The following ENTHD1 variants were observed in gnomAD, a reference collection of about 807,000 sequenced individuals.
The protein encoded by ENTHD1 is ENTH domain containing 1, also known as ENTH domain-containing protein 1.
In ENTHD1, 23 loss-of-function variants were observed where a neutral mutation model predicts 39.1. That is an observed-to-expected ratio of 0.59 (90% CI 0.42 to 0.83). The LOEUF is 0.83. ENTHD1 is among the 40% of genes least tolerant of loss of function. ENTHD1 has a pLI of 0.00. For missense variants in ENTHD1, 624 were observed against 705.4 expected (o/e 0.88, Z 1.31); for synonymous variants, 230 against 258.2 (o/e 0.89, Z 1.05).
At chr22:39,876,454 C>T (rs1358453098) in intron 2 of ENTHD1, among the ~76,000 whole-genome samples, 2 of 148,562 alleles carry the variant, frequency 1.3e-5, no homozygotes, top group East Asian at 2.0e-4. Flanking sequence ...TCCTGCTTTG[C>T]GTCAGGGACG....
intron 5 of ENTHD1, among the ~76,000 whole-genome samples, chr22:39,784,768 G>A (rs2065849817): frequency 6.6e-6 from 1 of 152,126 alleles, no homozygotes; most frequent in African/African-American, 2.4e-5. Flanking sequence ...GAAGTTACCA[G>A]GGGCTGGGAA....
intron 1 of ENTHD1, among the ~76,000 whole-genome samples, chr22:39,890,540 T>G (rs2066418623): frequency 6.6e-6 from 1 of 152,188 alleles, no homozygotes; most frequent in Non-Finnish European, 1.5e-5. Flanking sequence ...AATTTTTTTT[T>G]CTTTTTTGGA....
At chr22:39,783,013 C>T (rs2065422439) in intron 5 of ENTHD1, among the ~76,000 whole-genome samples, 1 of 152,110 alleles carries the variant, frequency 6.6e-6, no homozygotes, top group Non-Finnish European at 1.5e-5. Context: ...ATGACATGCT[C>T]TTATACTTAG....
At chr22:39,775,708 T>C (rs2065360501) in intron 5 of ENTHD1, among the ~76,000 whole-genome samples, 1 of 152,040 alleles carries the variant, frequency 6.6e-6, no homozygotes, top group African/African-American at 2.4e-5. Context: ...TGCAGGACCG[T>C]GGGAATGGGA....
intron 6 of ENTHD1, among the ~76,000 whole-genome samples, chr22:39,746,701 T>C (rs1189430750): frequency 3.3e-5 from 5 of 152,120 alleles, no homozygotes; most frequent in Non-Finnish European, 7.4e-5. Context: ...TCCTATCTCC[T>C]ACCTAGAGGG....
intron 2 of ENTHD1, among the ~76,000 whole-genome samples, chr22:39,880,332 A>AAAAAAT (rs2066327143): frequency 6.6e-6 from 1 of 152,224 alleles, no homozygotes; most frequent in Non-Finnish European, 1.5e-5. Flanking sequence ...AGGAGGGAGG[A>AAAAAAT]AAAAATAAGC....
At chr22:39,873,706 C>A (rs1375960862) in intron 2 of ENTHD1, among the ~76,000 whole-genome samples, 1 of 152,136 alleles carries the variant, frequency 6.6e-6, no homozygotes, top group Non-Finnish European at 1.5e-5. Context: ...TTATTAAAAT[C>A]TAATACTTCT....
intron 5 of ENTHD1, among the ~76,000 whole-genome samples, chr22:39,778,868 AC>A (rs1378445052): frequency 6.6e-6 from 1 of 152,220 alleles, no homozygotes; most frequent in Non-Finnish European, 1.5e-5. Context: ...CAGACCATGT[AC>A]TACAAACGTG....
At chr22:39,880,142 G>A (rs2066326174) in intron 2 of ENTHD1, among the ~76,000 whole-genome samples, 1 of 152,226 alleles carries the variant, frequency 6.6e-6, no homozygotes, top group African/African-American at 2.4e-5. Context: ...TCTCCTCTGA[G>A]AGGATTGCTT....
At chr22:39,790,609 T>C (rs1161765929) in intron 5 of ENTHD1, among the ~76,000 whole-genome samples, 5 of 152,208 alleles carry the variant, frequency 3.3e-5, no homozygotes, top group Admixed American at 6.5e-5. Context: ...TTTGACCAGC[T>C]TGGGGCACAG....
intron 6 of ENTHD1, among the ~76,000 whole-genome samples, chr22:39,761,252 G>T (rs1056321979): frequency 6.6e-6 from 1 of 152,084 alleles, no homozygotes; most frequent in Non-Finnish European, 1.5e-5. Context: ...CTTAAAAGAT[G>T]ACTTTTCATT....
intron 4 of ENTHD1, 27 bp from the exon 5 acceptor site, chr22:39,821,140 A>C (rs1230309370): frequency 1.2e-6 from 2 of 1,611,622 alleles, no homozygotes; most frequent in African/African-American, 1.3e-5. Context: ...GAACATGAGA[A>C]TTGAAGAAAA....
At chr22:39,774,629 T>C (rs5750879) in intron 5 of ENTHD1, among the ~76,000 whole-genome samples, 137,121 of 152,232 alleles carry the variant, frequency 0.9, 61,891 homozygotes, top group East Asian at 0.99. Flanking sequence ...AAATGAAAGT[T>C]AGATGTTATT....
At chr22:39,762,386 T>G (rs1029316712) in intron 6 of ENTHD1, among the ~76,000 whole-genome samples, 1 of 152,128 alleles carries the variant, frequency 6.6e-6, no homozygotes, top group Non-Finnish European at 1.5e-5. Flanking sequence ...TTTCAGCTAC[T>G]GTATTTTTCA....
At chr22:39,779,127 G>A (rs1357011151) in intron 5 of ENTHD1, among the ~76,000 whole-genome samples, 5 of 152,092 alleles carry the variant, frequency 3.3e-5, no homozygotes, top group Non-Finnish European at 7.4e-5. Flanking sequence ...GACCAGCCTG[G>A]CCAACATGGT....
intron 5 of ENTHD1, among the ~76,000 whole-genome samples, chr22:39,779,509 CTAA>C (rs2065391441): frequency 6.7e-6 from 1 of 150,026 alleles, no homozygotes; most frequent in Non-Finnish European, 1.5e-5. Flanking sequence ...ACAAGAAATG[CTAA>C]AGGGAGTTAT....
chr22:39,748,202 T>A (rs2065121393), intron 6 of ENTHD1, among the ~76,000 whole-genome samples: 1 of 149,542 alleles, frequency 6.7e-6, no homozygotes, highest in Non-Finnish European at 1.5e-5. Flanking sequence ...TGAGCCGTGG[T>A]CATGCCAGGG....
intron 5 of ENTHD1, among the ~76,000 whole-genome samples, chr22:39,786,078 T>C (rs2146593275): frequency 6.6e-6 from 1 of 152,246 alleles, no homozygotes; most frequent in East Asian, 1.9e-4. Flanking sequence ...ATTCCTTCCC[T>C]TCAGACCTGA....
chr22:39,797,877 A>G (rs1438717108), intron 5 of ENTHD1, among the ~76,000 whole-genome samples: 1 of 151,834 alleles, frequency 6.6e-6, no homozygotes, highest in Non-Finnish European at 1.5e-5. Context: ...TCTGTTTTTG[A>G]TGTTTGACAG....
Sources: allele counts gnomAD v4.1 joint callset (sites outside exome capture counted in the v4.1 genomes callset), GRCh38; gene constraint gnomAD v4.1.1; transcripts MANE v1.5; gene names NCBI Gene and HGNC (gene_info 2026-07-23, HGNC 2026-07-21).